Variants in ZNF346 observed in about 807,000 individuals in gnomAD.
The protein encoded by ZNF346 is double-stranded RNA-binding zinc finger protein JAZ.
In ZNF346, 23 loss-of-function variants were observed where a neutral mutation model predicts 33.7. The observed-to-expected ratio is 0.68, with a 90% CI of 0.49 to 0.97. ZNF346 has a LOEUF of 0.97. Among genes scored for constraint, ZNF346 ranks in the 50% least tolerant of loss-of-function variants. ZNF346 has a pLI of 0.00. For missense variants in ZNF346, 340 were observed against 371.1 expected (o/e 0.92, Z 0.69); for synonymous variants, 134 against 142.4 (o/e 0.94, Z 0.42).
downstream of ZNF346, among the ~76,000 whole-genome samples, chr5:177,070,947 A>G (rs1783470560): frequency 6.6e-6 from 1 of 152,216 alleles, no homozygotes; most frequent in Non-Finnish European, 1.5e-5. Context: ...GGAATCATGC[A>G]TGAAATGGAA....
chr5:177,074,678 CTG>C (rs551933131), intron 8 of ZNF346, among the ~76,000 whole-genome samples: 7 of 152,266 alleles, frequency 4.6e-5, no homozygotes, highest in Admixed American at 4.6e-4. Context: ...ATTTGAGTTT[CTG>C]TGTCTTGCAA....
At chr5:177,035,402 G>A (rs1778334423) in intron 1 of ZNF346, among the ~76,000 whole-genome samples, 1 of 151,946 alleles carries the variant, frequency 6.6e-6, no homozygotes. Flanking sequence ...GATTAAAGTT[G>A]TGTGCAGATA....
At chr5:177,039,549 A>G (rs1779064039) in intron 1 of ZNF346, among the ~76,000 whole-genome samples, 1 of 151,874 alleles carries the variant, frequency 6.6e-6, no homozygotes, top group Non-Finnish European at 1.5e-5. Context: ...TCCTGAGCTC[A>G]AGCAATCCTT....
At chr5:177,035,069 T>G (rs1157101101) in intron 1 of ZNF346, among the ~76,000 whole-genome samples, 1 of 151,822 alleles carries the variant, frequency 6.6e-6, no homozygotes, top group Non-Finnish European at 1.5e-5. Context: ...CAGGCTCAAG[T>G]GTAGTGGCAC....
chr5:177,066,758 T>G lies in ZNF346; in HGVS notation c.*2159T>G, dbSNP rs1327013253. On this transcript the variant is annotated 3_prime_UTR_variant, in exon 7 of 7. Transcript: ENST00000358149. ...GACTCTATCTAAAAAAAAAAAAAAA[T>G]TATAAAAATAAATTTGAAGGCTGGG... Among the ~76,000 whole-genome samples the G allele has an allele frequency of 6.8e-6, 1 of 146,822 alleles. No homozygotes were observed. Among genetic ancestry groups the G allele is most frequent in the Non-Finnish European group, 1.5e-5 (1 of 66,512 alleles).
chr5:177,053,458 A>G, intron 5 of ZNF346, among the ~76,000 whole-genome samples: 1 of 151,842 alleles, frequency 6.6e-6, no homozygotes, highest in Non-Finnish European at 1.5e-5. Context: ...GCCTGCTGTT[A>G]TCAAGTATGC....
At chr5:177,041,928 G>A in intron 3 of ZNF346, 58 bp downstream of exon 3, 1 of 1,198,696 alleles carries the variant, frequency 8.3e-7, no homozygotes, top group South Asian at 1.3e-5. Flanking sequence ...CCAGCAGGTT[G>A]GTGTGGTGAA....
At chr5:177,075,656 A>G (rs966125853) in intron 8 of ZNF346, among the ~76,000 whole-genome samples, 2 of 151,866 alleles carry the variant, frequency 1.3e-5, no homozygotes, top group Non-Finnish European at 2.9e-5. Flanking sequence ...AGCTGGAACT[A>G]CAGGCATGCG....
chr5:177,038,097 TA>T lies in ZNF346; in HGVS notation c.176-3026del, dbSNP rs199766118. Among the ~76,000 whole-genome samples, 1,173 of 148,420 alleles carry T rather than the reference TA, an allele frequency of 7.9e-3. 6 individuals carry two copies. The highest frequency in any genetic ancestry group is 0.01 in the Non-Finnish European group (691 of 66,808). ...CCATGATGATTTTTTTTTTTTTTTTTAAATTTTCAGAGTCAAAGTCTTTCTC... is the reference window on the plus strand; with the variant it reads ...CCATGATGATTTTTTTTTTTTTTTTTAATTTTCAGAGTCAAAGTCTTTCTC... On this transcript the variant is annotated intron_variant, in intron 1 of 6. Coordinates refer to ENST00000358149, the MANE Select transcript of ZNF346 (RefSeq NM_012279.4).
At chr5:177,060,893 G>A (rs1050834477) in intron 5 of ZNF346, among the ~76,000 whole-genome samples, 2 of 152,004 alleles carry the variant, frequency 1.3e-5, no homozygotes, top group African/African-American at 2.4e-5. Flanking sequence ...GGTGGATCAC[G>A]AAGTCAGGAG....
At chr5:177,048,026 G>T (rs1780329412) in intron 4 of ZNF346, among the ~76,000 whole-genome samples, 1 of 152,042 alleles carries the variant, frequency 6.6e-6, no homozygotes, top group Non-Finnish European at 1.5e-5. Flanking sequence ...CATTTTTAGT[G>T]ACTGCATCGT....
At position 177,066,873 on chromosome 5, in the gene ZNF346, A is replaced by C. The variant is rs1249144637; in HGVS notation, c.*2274A>C. On this transcript the variant is annotated 3_prime_UTR_variant, in exon 7 of 7. Coordinates refer to ENST00000358149, the MANE Select transcript of ZNF346 (RefSeq NM_012279.4). Reference sequence around the variant, plus strand: ...CAGAAGTTCGAGACCAGCCTGGCCAACATGATGGCAAAACCCCGTCCCTAT... The same window carrying C: ...CAGAAGTTCGAGACCAGCCTGGCCACCATGATGGCAAAACCCCGTCCCTAT... Among the ~76,000 whole-genome samples the C allele has an allele frequency of 3.3e-5, 5 of 152,234 alleles. No individual in the cohort carries two copies. Among genetic ancestry groups the C allele is most frequent in the African/African-American group, 1.2e-4 (5 of 41,452 alleles).
chr5:177,061,168 C>T (rs973785704), intron 5 of ZNF346, among the ~76,000 whole-genome samples: 5 of 148,490 alleles, frequency 3.4e-5, no homozygotes, highest in African/African-American at 1.3e-4. Context: ...AGGATCAGGC[C>T]GGGTGCGGTA....
chr5:177,061,929 A>G (rs928752369), intron 5 of ZNF346, 129 bp from the exon 6 acceptor site: 3 of 741,870 alleles, frequency 4.0e-6, no homozygotes, highest in African/African-American at 3.5e-5. Flanking sequence ...CTGGGTTCTC[A>G]TCAGGGCCAG....
chr5:177,055,034 G>GTTT (rs1213847902), intron 5 of ZNF346, among the ~76,000 whole-genome samples: 4 of 137,350 alleles, frequency 2.9e-5, no homozygotes, highest in African/African-American at 8.0e-5. Flanking sequence ...AAATACGTAG[G>GTTT]TTTTTTTTTT....
intron 1 of ZNF346, among the ~76,000 whole-genome samples, chr5:177,034,406 T>A (rs1022205498): frequency 1.3e-5 from 2 of 152,056 alleles, no homozygotes; most frequent in African/African-American, 4.8e-5. Flanking sequence ...TTTGGTTTTT[T>A]GTAAAGACAG....
At chr5:177,063,115 G>A (rs994154933) in intron 6 of ZNF346, among the ~76,000 whole-genome samples, 2 of 151,490 alleles carry the variant, frequency 1.3e-5, no homozygotes, top group South Asian at 4.2e-4. Context: ...GGCCAGGCTG[G>A]TCTCAAACTC....
At chr5:177,023,548 A>G (rs547524810) in intron 1 of ZNF346, among the ~76,000 whole-genome samples, 18 of 152,304 alleles carry the variant, frequency 1.2e-4, no homozygotes, top group African/African-American at 4.1e-4. Flanking sequence ...TGCTGAGAAC[A>G]GTGTATGCAA....
chr5:177,043,481 G>A (rs1450871775), intron 3 of ZNF346, among the ~76,000 whole-genome samples: 3 of 152,064 alleles, frequency 2.0e-5, no homozygotes, highest in Admixed American at 2.0e-4. Context: ...GAACGCAATG[G>A]GAGGCTGGGT....
Sources: gnomAD v4.1 joint callset for allele counts (sites outside exome capture counted in the v4.1 genomes callset) on GRCh38, gnomAD v4.1.1 for gene constraint, MANE v1.5 for transcripts, NCBI Gene and HGNC (gene_info 2026-07-23, HGNC 2026-07-21) for gene names.